NEMP2: variants seen among roughly 807,000 people sequenced by gnomAD.
The protein encoded by NEMP2 is nuclear envelope integral membrane protein 2.
In NEMP2, 53 loss-of-function variants were observed where a neutral mutation model predicts 54.2. The observed-to-expected ratio is 0.98, with a 90% CI of 0.78 to 1.23. The LOEUF (loss-of-function observed/expected upper bound fraction) is 1.23. Among genes scored for constraint, NEMP2 ranks in the 50% most tolerant of loss-of-function variants. The probability of loss-of-function intolerance (pLI) is 0.00; values close to 1 mark genes in which losing one functional copy is unlikely to be tolerated. For missense variants in NEMP2, 455 were observed against 511.3 expected (o/e 0.89, Z 1.06); for synonymous variants, 197 against 190.3 (o/e 1.04, Z -0.29).
chr2:190,489,084 A>G, the NEMP2 span, among the ~76,000 whole-genome samples: 1 of 152,214 alleles, frequency 6.6e-6, no homozygotes, highest in Non-Finnish European at 1.5e-5. The surrounding 1 kb of genome is among the most constrained non-coding windows in gnomAD (Gnocchi z 6.6). Context: ...AAAGGAGCCA[A>G]ACAAATGAAT....
At chr2:190,490,798 A>G in the NEMP2 span, among the ~76,000 whole-genome samples, 1 of 152,224 alleles carries the variant, frequency 6.6e-6, no homozygotes, top group Non-Finnish European at 1.5e-5. This position sits in a 1 kb window ranked among gnomAD's most constrained non-coding sequence, Gnocchi z 4.5. Flanking sequence ...TGGGTGTCCT[A>G]TCCTTTGCGG....
At chr2:190,477,404 T>C in the NEMP2 span, 2 of 947,248 alleles carry the variant, frequency 2.1e-6, no homozygotes, top group African/African-American at 1.8e-5. Flanking sequence ...AAGAAATGAC[T>C]ATATATTATA....
chr2:190,558,023 C>T, the NEMP2 span, among the ~76,000 whole-genome samples: 1 of 152,172 alleles, frequency 6.6e-6, no homozygotes, highest in Admixed American at 6.5e-5. The surrounding 1 kb of genome is among the most constrained non-coding windows in gnomAD (Gnocchi z 4.4). Flanking sequence ...CACATGCACA[C>T]ATATGTTTAT....
chr2:190,554,612 T>C, the NEMP2 span, among the ~76,000 whole-genome samples: 1 of 152,082 alleles, frequency 6.6e-6, no homozygotes, highest in African/African-American at 2.4e-5. This position sits in a 1 kb window ranked among gnomAD's most constrained non-coding sequence, Gnocchi z 5.7. Context: ...CCAGGTTCCC[T>C]CCTCTCTGGG....
At chr2:190,489,900 C>T in the NEMP2 span, 232 of 1,573,860 alleles carry the variant, frequency 1.5e-4, 1 homozygote, top group South Asian at 2.1e-3. The surrounding 1 kb of genome is among the most constrained non-coding windows in gnomAD (Gnocchi z 6.6). Flanking sequence ...ATATTCCTAA[C>T]AGTTCAGGCC....
the NEMP2 span, chr2:190,437,210 A>G: frequency 6.2e-7 from 1 of 1,614,234 alleles, no homozygotes; most frequent in African/African-American, 1.3e-5. This position sits in a 1 kb window ranked among gnomAD's most constrained non-coding sequence, Gnocchi z 5.9. Flanking sequence ...TTCCGCTACA[A>G]CCATTTCAAA....
chr2:190,526,769 A>G (rs1280527003), intron 1 of NEMP2, among the ~76,000 whole-genome samples: 1 of 152,184 alleles, frequency 6.6e-6, no homozygotes, highest in Non-Finnish European at 1.5e-5. Flanking sequence ...CTGAGTTTTC[A>G]TTGGTGGGAT....
Position 190,529,742 on chromosome 2 carries a change from A to G in NEMP2, c.98-4364T>C, listed in dbSNP as rs1691074504. Reference sequence around the variant, plus strand: ...TGGCCTACCAATGGAAGTCCAGCCAATCTTTGTAAGAGCCTGGCCAGGAAT... The same window carrying G: ...TGGCCTACCAATGGAAGTCCAGCCAGTCTTTGTAAGAGCCTGGCCAGGAAT... On this transcript the variant is annotated intron_variant, in intron 1 of 8. Transcript: ENST00000409150. This position sits in a 1 kb window ranked among gnomAD's most constrained non-coding sequence, Gnocchi z 4.7. Among the ~76,000 whole-genome samples the G allele has an allele frequency of 6.6e-6, 1 of 152,168 alleles. No homozygotes were observed.
the NEMP2 span, among the ~76,000 whole-genome samples, chr2:190,583,460 T>C: frequency 6.6e-6 from 1 of 152,232 alleles, no homozygotes; most frequent in African/African-American, 2.4e-5. Context: ...CAGGAATGTA[T>C]CTCTGCATGT....
At chr2:190,616,595 A>G in the NEMP2 span, among the ~76,000 whole-genome samples, 17 of 152,322 alleles carry the variant, frequency 1.1e-4, no homozygotes, top group Admixed American at 2.6e-4. This position sits in a 1 kb window ranked among gnomAD's most constrained non-coding sequence, Gnocchi z 5.1. Flanking sequence ...ACTCCAAAAC[A>G]TCAGAGGGCA....
rs1009428641 is a variant in NEMP2, at chr2:190,525,927, G to A, written c.98-549C>T. 3.3e-5 allele frequency among the ~76,000 whole-genome samples: 5 copies of A among 152,148 alleles called. No homozygotes were observed. Among genetic ancestry groups the A allele is most frequent in the African/African-American group, 1.2e-4 (5 of 41,426 alleles). On this transcript the variant is annotated intron_variant, in intron 1 of 8. Transcript: ENST00000409150. The surrounding 1 kb of genome is among the most constrained non-coding windows in gnomAD (Gnocchi z 5.0). The stretch of plus-strand genomic sequence containing the variant: ...AACCATAGCTACTACTATACCATGT[G>A]GACTCCATCTTGAAAGCAGAGCATT...
the NEMP2 span, among the ~76,000 whole-genome samples, chr2:190,458,603 C>T: frequency 0.22 from 34,129 of 152,142 alleles, 4,882 homozygotes; most frequent in South Asian, 0.33. The surrounding 1 kb of genome is among the most constrained non-coding windows in gnomAD (Gnocchi z 5.3). Context: ...CCCTTCCCCC[C>T]GAGTGCTTGA....
the NEMP2 span, chr2:190,442,660 C>T: frequency 6.6e-6 from 1 of 152,006 alleles, no homozygotes; most frequent in Non-Finnish European, 1.5e-5. Context: ...GGTAGAGACC[C>T]CTACATTTCC....
chr2:190,432,364 C>G, the NEMP2 span, among the ~76,000 whole-genome samples: 4 of 152,200 alleles, frequency 2.6e-5, no homozygotes, highest in Non-Finnish European at 5.9e-5. Flanking sequence ...CAGCATGGCA[C>G]CGTTTACAAC....
At chr2:190,479,184 C>A in the NEMP2 span, among the ~76,000 whole-genome samples, 1 of 152,176 alleles carries the variant, frequency 6.6e-6, no homozygotes, top group African/African-American at 2.4e-5. Flanking sequence ...CAAGGTAAGA[C>A]TACTGGATGC....
At chr2:190,581,219 T>C in the NEMP2 span, among the ~76,000 whole-genome samples, 1 of 152,160 alleles carries the variant, frequency 6.6e-6, no homozygotes, top group Non-Finnish European at 1.5e-5. Context: ...AGTATTTATA[T>C]AATCAACATT....
the NEMP2 span, chr2:190,436,139 C>T: frequency 2.2e-5 from 36 of 1,614,064 alleles, no homozygotes; most frequent in South Asian, 9.9e-5. This position sits in a 1 kb window ranked among gnomAD's most constrained non-coding sequence, Gnocchi z 5.3. Context: ...GAACCACCTT[C>T]GAATGAAACA....
the NEMP2 span, chr2:190,490,012 T>G: frequency 1.6e-6 from 1 of 621,448 alleles, no homozygotes; most frequent in South Asian, 2.2e-5. The surrounding 1 kb of genome is among the most constrained non-coding windows in gnomAD (Gnocchi z 4.5). Flanking sequence ...TGAATTCATG[T>G]GGACTATTGT....
the NEMP2 span, among the ~76,000 whole-genome samples, chr2:190,639,711 C>T: frequency 2.0e-5 from 3 of 151,484 alleles, no homozygotes; most frequent in Non-Finnish European, 4.4e-5. Flanking sequence ...TGCAGTGGCA[C>T]GATCTCAGCT....
Sources: allele counts gnomAD v4.1 joint callset (sites outside exome capture counted in the v4.1 genomes callset), GRCh38; gene constraint gnomAD v4.1.1; non-coding constraint Gnocchi (gnomAD v3.1); transcripts MANE v1.5; gene names NCBI Gene and HGNC (gene_info 2026-07-23, HGNC 2026-07-21).